Variants in FANCC observed in about 807,000 individuals in gnomAD.
FANCC encodes the protein FA complementation group C.
FANCC carries 55 observed loss-of-function variants against 71.3 expected under a neutral mutation model. The ratio of observed to expected loss-of-function variants is 0.77; its 90% CI spans 0.62 to 0.97. FANCC has a LOEUF of 0.97. Among genes scored for constraint, FANCC ranks in the 50% least tolerant of loss-of-function variants. The pLI is 0.00. For synonymous variants in FANCC, 275 were observed against 244.9 expected (o/e 1.12, Z -1.15); for missense variants, 678 against 670.9 (o/e 1.01, Z -0.12).
At chr9:95,162,033 A>C (rs886971101) in intron 6 of FANCC, among the ~76,000 whole-genome samples, 1 of 151,886 alleles carries the variant, frequency 6.6e-6, no homozygotes, top group Non-Finnish European at 1.5e-5. Context: ...GTAGAGATGG[A>C]GTTTCGCCGT....
intron 8 of FANCC, chr9:95,126,854 C>T (rs1291726340): frequency 2.3e-6 from 1 of 438,830 alleles, no homozygotes; most frequent in Non-Finnish European, 4.2e-6. Flanking sequence ...ATCCATAATA[C>T]AGAATCAGTA....
intron 7 of FANCC, among the ~76,000 whole-genome samples, chr9:95,137,038 C>T (rs1365731074): frequency 6.6e-6 from 1 of 152,126 alleles, no homozygotes; most frequent in Admixed American, 6.5e-5. Context: ...ATTCATTAAT[C>T]TCCCTCCTGT....
At chr9:95,131,888 C>T (rs1242602801) in intron 8 of FANCC, among the ~76,000 whole-genome samples, 1 of 152,028 alleles carries the variant, frequency 6.6e-6, no homozygotes, top group Non-Finnish European at 1.5e-5. Flanking sequence ...CAATTGCTAC[C>T]TGGAGAATGA....
intron 1 of FANCC, among the ~76,000 whole-genome samples, chr9:95,283,213 C>T (rs1423138052): frequency 6.6e-6 from 1 of 152,204 alleles, no homozygotes; most frequent in African/African-American, 2.4e-5. Flanking sequence ...TCCCCAGGGG[C>T]TGGGACTACA....
intron 1 of FANCC, among the ~76,000 whole-genome samples, chr9:95,270,588 A>G (rs1832661860): frequency 6.6e-6 from 1 of 152,278 alleles, no homozygotes; most frequent in Non-Finnish European, 1.5e-5. Flanking sequence ...TGGCAAGGCA[A>G]GGAGCAGGCA....
intron 6 of FANCC, among the ~76,000 whole-genome samples, chr9:95,157,027 T>G (rs1257185014): frequency 6.6e-6 from 1 of 152,180 alleles, no homozygotes; most frequent in Non-Finnish European, 1.5e-5. Context: ...AATCTAAGTT[T>G]CTAATTCCTC....
Position 95,125,132 on chromosome 9 carries a change from A to T in FANCC, c.950T>A (p.Val317Glu), listed in dbSNP as rs1438781491. The change falls in exon 10 of 15, where the codon GTG (valine) becomes GAG (glutamate). Residue 317 changes from valine (V) to glutamate (E), a missense_variant. Transcript: ENST00000289081. Reference protein sequence around the residue: ...GALEIIATIQVFTQCFVEALE... With the variant: ...GALEIIATIQEFTQCFVEALE... ...AGCTTCTACAAAGCACTGCGTAAAC[A>T]CCTGAATAGTGGCTATGATTTCCAG... is the stretch of plus-strand genomic sequence containing the variant. The T allele has an allele frequency of 6.2e-7, 1 of 1,614,208 alleles. No individual in the cohort carries two copies.
At chr9:95,277,086 A>T (rs1833085088) in intron 1 of FANCC, among the ~76,000 whole-genome samples, 1 of 152,212 alleles carries the variant, frequency 6.6e-6, no homozygotes. Flanking sequence ...TTGTTCTTGA[A>T]CAGTTATTAG....
intron 4 of FANCC, among the ~76,000 whole-genome samples, chr9:95,185,966 A>T (rs932206984): frequency 1.0e-3 from 156 of 152,220 alleles, no homozygotes; most frequent in Non-Finnish European, 2.0e-3. Flanking sequence ...TCCTCAGAAA[A>T]TCTGAAATCT....
intron 1 of FANCC, among the ~76,000 whole-genome samples, chr9:95,302,057 G>A (rs1358048296): frequency 6.8e-6 from 1 of 147,440 alleles, no homozygotes; most frequent in Admixed American, 6.7e-5. Flanking sequence ...ACTCCAGCCT[G>A]GGAGACAGAG....
chr9:95,253,404 T>G (rs1037403031), intron 1 of FANCC, among the ~76,000 whole-genome samples: 1 of 152,198 alleles, frequency 6.6e-6, no homozygotes, highest in Non-Finnish European at 1.5e-5. Context: ...CCTAGAGGTA[T>G]CTGAGCTCAT....
chr9:95,111,386 A>G (rs2071916294), intron 13 of FANCC, 77 bp downstream of exon 13: 1 of 1,597,404 alleles, frequency 6.3e-7, no homozygotes, highest in Admixed American at 1.7e-5. Context: ...CAAGCCCACA[A>G]CAGAGCCCCT....
At chr9:95,158,309 AGAT>A (rs1275196246) in intron 6 of FANCC, among the ~76,000 whole-genome samples, 1 of 152,230 alleles carries the variant, frequency 6.6e-6, no homozygotes, top group Admixed American at 6.5e-5. Flanking sequence ...TTAACAACTT[AGAT>A]GATAGACTCA....
At chr9:95,261,565 C>A (rs1832049873) in intron 1 of FANCC, among the ~76,000 whole-genome samples, 1 of 152,166 alleles carries the variant, frequency 6.6e-6, no homozygotes, top group African/African-American at 2.4e-5. Flanking sequence ...AGAAGGAAAT[C>A]CACTTTTTCC....
Position 95,110,242 on chromosome 9 carries a change from A to AATTT in FANCC, c.1329+1217_1329+1220dup, listed in dbSNP as rs1394617053. The AATTT allele has an allele frequency of 1.2e-5, 12 of 1,005,304 alleles. No individual in the cohort carries two copies. In the African/African-American group the frequency reaches 2.1e-4, roughly 17 times the overall value. 62.3% of individuals were successfully genotyped at this position (1,005,304 alleles called of 1,614,324 possible). A position where few individuals can be genotyped will look rare whatever the true frequency, so the allele number is the denominator to read the frequency against. On this transcript the variant is annotated intron_variant, in intron 13 of 14. Coordinates refer to ENST00000289081, the MANE Select transcript of FANCC (RefSeq NM_000136.3). ...TTCTAGAAATTAAGTGTTATTGAAT[A>AATTT]ATTTATTTCTTTATACTTCAAAAGT...
At chr9:95,226,953 C>T (rs1482755707) in intron 4 of FANCC, among the ~76,000 whole-genome samples, 3 of 152,172 alleles carry the variant, frequency 2.0e-5, no homozygotes, top group Non-Finnish European at 4.4e-5. Flanking sequence ...TGAGGGGTCT[C>T]TCGCTTCTAC....
chr9:95,157,533 C>CAAGCTACAATACAACACAATACA (rs1339096680), intron 6 of FANCC, among the ~76,000 whole-genome samples: 1 of 152,206 alleles, frequency 6.6e-6, no homozygotes, highest in Non-Finnish European at 1.5e-5. Flanking sequence ...TACAACCACA[C>CAAGCTACAATACAACACAATACA]AGAAAGGATG....
At chr9:95,165,744 T>A (rs1008063946) in intron 6 of FANCC, among the ~76,000 whole-genome samples, 1 of 152,104 alleles carries the variant, frequency 6.6e-6, no homozygotes, top group Non-Finnish European at 1.5e-5. Context: ...GAGAAGAGTG[T>A]ATATTCTGCT....
intron 4 of FANCC, among the ~76,000 whole-genome samples, chr9:95,189,303 A>G (rs1046440435): frequency 1.3e-5 from 2 of 152,198 alleles, no homozygotes; most frequent in Non-Finnish European, 2.9e-5. Context: ...ACTATGAAAT[A>G]AACACTCAGA....
Sources: gnomAD v4.1 joint callset for allele counts (sites outside exome capture counted in the v4.1 genomes callset) on GRCh38, gnomAD v4.1.1 for gene constraint, MANE v1.5 for transcripts, NCBI Gene and HGNC (gene_info 2026-07-23, HGNC 2026-07-21) for gene names.